The following B4GALT1 variants were observed in gnomAD, a reference collection of about 807,000 sequenced individuals.
B4GALT1 encodes beta-1,4-galactosyltransferase 1.
A neutral mutation model predicts 34.9 loss-of-function variants in B4GALT1; 16 were observed. The observed-to-expected ratio is 0.46, with a 90% CI of 0.31 to 0.70. The LOEUF (loss-of-function observed/expected upper bound fraction) is 0.70. Among genes scored for constraint, B4GALT1 ranks in the 30% least tolerant of loss-of-function variants. B4GALT1 has a pLI of 0.05. For missense variants in B4GALT1, 445 were observed against 530.5 expected (o/e 0.84, Z 1.58); for synonymous variants, 221 against 218.1 (o/e 1.01, Z -0.12).
At chr9:33,184,281 CACACACAA>C in the B4GALT1 span, among the ~76,000 whole-genome samples, 10 of 151,966 alleles carry the variant, frequency 6.6e-5, no homozygotes, top group Non-Finnish European at 1.5e-4. Flanking sequence ...CACACACACA[CACACACAA>C]AAACATAGGA....
intron 1 of B4GALT1, among the ~76,000 whole-genome samples, chr9:33,146,381 T>C (rs1393048891): frequency 6.6e-6 from 1 of 152,258 alleles, no homozygotes; most frequent in Non-Finnish European, 1.5e-5. Context: ...CCAGAAGGGA[T>C]GATTTCAGCT....
intron 3 of B4GALT1, among the ~76,000 whole-genome samples, chr9:33,118,404 C>T (rs1433881815): frequency 6.6e-6 from 1 of 152,108 alleles, no homozygotes; most frequent in Non-Finnish European, 1.5e-5. Context: ...TCATGCCTGT[C>T]ATCCCAGCAC....
intron 1 of B4GALT1, among the ~76,000 whole-genome samples, chr9:33,163,308 G>A (rs1217812728): frequency 6.6e-6 from 1 of 152,218 alleles, no homozygotes; most frequent in Non-Finnish European, 1.5e-5. Context: ...ACCGGCTCAT[G>A]AGCAAGTGCT....
At chr9:33,154,837 G>GTT (rs879726869) in intron 1 of B4GALT1, among the ~76,000 whole-genome samples, 1 of 146,948 alleles carries the variant, frequency 6.8e-6, no homozygotes. Flanking sequence ...AAAATATTGA[G>GTT]TTTTTTTTTT....
At chr9:33,139,818 C>T (rs1022700052) in intron 1 of B4GALT1, among the ~76,000 whole-genome samples, 5 of 152,368 alleles carry the variant, frequency 3.3e-5, no homozygotes, top group South Asian at 2.1e-4. Context: ...CGAGCCAAGG[C>T]GCCCTTGCTG....
chr9:33,167,280 C>G lies in B4GALT1; in HGVS notation c.-111G>C. ...GCGGCGACTAGGGGAGGGCCCGGAG[C>G]GGGGGCGGGCGAGCGGCTGAGAGCT... is the stretch of plus-strand genomic sequence containing the variant. On this transcript the variant is annotated 5_prime_UTR_variant, in exon 1 of 6. Coordinates refer to ENST00000379731, the MANE Select transcript of B4GALT1 (RefSeq NM_001497.4). 1 of 1,337,076 alleles carries G rather than the reference C, an allele frequency of 7.5e-7. No individual in the cohort carries two copies. The allele number at this position is 1,337,076 out of a possible 1,614,324, so 82.8% of individuals were successfully genotyped here.
chr9:33,163,917 C>T (rs765610049), intron 1 of B4GALT1, among the ~76,000 whole-genome samples: 4 of 152,198 alleles, frequency 2.6e-5, no homozygotes, highest in Admixed American at 2.0e-4. Context: ...CTCCTGCAAG[C>T]CTCACATTAG....
chr9:33,139,769 G>A (rs1840321883), intron 1 of B4GALT1, among the ~76,000 whole-genome samples: 1 of 152,260 alleles, frequency 6.6e-6, no homozygotes, highest in African/African-American at 2.4e-5. Context: ...AGCTCTGGGA[G>A]GAGGCAGAGG....
intron 3 of B4GALT1, among the ~76,000 whole-genome samples, chr9:33,117,998 G>C (rs183229214): frequency 2.8e-4 from 42 of 152,314 alleles, no homozygotes; most frequent in Non-Finnish European, 3.7e-4. Flanking sequence ...AACCTGCCAG[G>C]CTCCTTGTGA....
the B4GALT1 span, among the ~76,000 whole-genome samples, chr9:33,175,926 C>T: frequency 6.6e-6 from 1 of 152,214 alleles, no homozygotes; most frequent in Non-Finnish European, 1.5e-5. Context: ...GCAACTTTTA[C>T]TTAAGTGACT....
the B4GALT1 span, among the ~76,000 whole-genome samples, chr9:33,181,461 A>ACACACACACACACACAC: frequency 1.1e-4 from 7 of 65,172 alleles, no homozygotes; most frequent in East Asian, 2.0e-3. Context: ...CACACACACA[A>ACACACACACACACACAC]ACTATTCTTA....
intron 2 of B4GALT1, among the ~76,000 whole-genome samples, chr9:33,121,070 T>C (rs565457783): frequency 2.1e-4 from 32 of 152,338 alleles, no homozygotes; most frequent in African/African-American, 7.2e-4. Flanking sequence ...ATTAGTTGGG[T>C]ACCTATGGGA....
intron 1 of B4GALT1, among the ~76,000 whole-genome samples, chr9:33,164,821 C>T (rs753084209): frequency 1.4e-4 from 22 of 152,136 alleles, no homozygotes; most frequent in Non-Finnish European, 3.1e-4. Flanking sequence ...AAAACCTGGC[C>T]TTTTTCTGGC....
chr9:33,118,677 TAAAAG>T (rs1263276972), intron 3 of B4GALT1, among the ~76,000 whole-genome samples: 1 of 150,540 alleles, frequency 6.6e-6, no homozygotes, highest in African/African-American at 2.4e-5. Context: ...TCAAAAAAAA[TAAAAG>T]AAAAAGAAAA....
chr9:33,128,805 T>G (rs1186409409), intron 2 of B4GALT1, among the ~76,000 whole-genome samples: 1 of 152,200 alleles, frequency 6.6e-6, no homozygotes, highest in Non-Finnish European at 1.5e-5. Context: ...CTGTCCTCAC[T>G]AATGGGATAG....
downstream of B4GALT1, among the ~76,000 whole-genome samples, chr9:33,109,466 G>A (rs190074940): frequency 6.6e-6 from 1 of 152,328 alleles, no homozygotes; most frequent in East Asian, 1.9e-4. Flanking sequence ...AACCCAAGAA[G>A]AGGCTCATAG....
rs886063875 is a variant in B4GALT1, at chr9:33,167,238, C to A, written c.-69G>T. On this transcript the variant is annotated 5_prime_UTR_variant, in exon 1 of 6. Coordinates refer to ENST00000379731, the MANE Select transcript of B4GALT1 (RefSeq NM_001497.4). The stretch of plus-strand genomic sequence containing the variant: ...AGGCGACCCGCCCGCGGGCCGCCCG[C>A]CAGGCGCTGCCCCACAGCGGCGACT... 2 of 1,445,826 alleles carry A rather than the reference C, an allele frequency of 1.4e-6. No individual in the cohort carries two copies. Among genetic ancestry groups the A allele is most frequent in the Non-Finnish European group, 1.8e-6 (2 of 1,104,728 alleles). 89.6% of individuals were successfully genotyped at this position (1,445,826 alleles called of 1,614,324 possible).
intron 2 of B4GALT1, among the ~76,000 whole-genome samples, chr9:33,127,738 A>G (rs963242917): frequency 1.3e-5 from 2 of 152,268 alleles, no homozygotes; most frequent in Non-Finnish European, 1.5e-5. Context: ...AGACTATGAA[A>G]TAACATGGGA....
At chr9:33,145,347 C>G (rs1389406777) in intron 1 of B4GALT1, among the ~76,000 whole-genome samples, 2 of 152,218 alleles carry the variant, frequency 1.3e-5, no homozygotes, top group Non-Finnish European at 2.9e-5. Context: ...ACCAAACAGG[C>G]TCTTCACCAA....
Sources: gnomAD v4.1 joint callset for allele counts (sites outside exome capture counted in the v4.1 genomes callset) on GRCh38, gnomAD v4.1.1 for gene constraint, MANE v1.5 for transcripts, NCBI Gene and HGNC (gene_info 2026-07-23, HGNC 2026-07-21) for gene names.